PPP2R3A: variants seen among roughly 807,000 people sequenced by gnomAD.
The protein encoded by PPP2R3A is protein phosphatase 2 regulatory subunit B''alpha, also known as serine/threonine-protein phosphatase 2A regulatory subunit B'' subunit alpha.
In PPP2R3A, 80 loss-of-function variants were observed where a neutral mutation model predicts 106.9. That is an observed-to-expected ratio of 0.75 (90% CI 0.62 to 0.90). The LOEUF is 0.90. PPP2R3A is among the 40% of genes least tolerant of loss of function. The pLI, the probability that PPP2R3A is intolerant of heterozygous loss-of-function variation, is 0.00. For synonymous variants in PPP2R3A, 483 were observed against 468.3 expected, an observed-to-expected ratio of 1.03 and a Z score of -0.41; for missense variants, 1,386 against 1,350.4, an observed-to-expected ratio of 1.03 and a Z score of -0.41.
At chr3:136,144,306 C>G (rs931478696) in intron 13 of PPP2R3A, among the ~76,000 whole-genome samples, 1 of 152,180 alleles carries the variant, frequency 6.6e-6, no homozygotes, top group Non-Finnish European at 1.5e-5. Flanking sequence ...CATACTTGAA[C>G]ATCTTTTTGT....
rs201744684 is a variant in PPP2R3A, at chr3:136,040,836, C to T, written c.2263-23C>T. 401 of 1,595,654 alleles carry T rather than the reference C, an allele frequency of 2.5e-4. 1 individual carries two copies. The African/African-American group carries it at 3.3e-3, about 13-fold the overall frequency. The stretch of plus-strand genomic sequence containing the variant: ...TCTCTTCATTCCCTGTTGGCTTACC[C>T]TGTATGTGTTTTCTATTTGCAGGTC... On this transcript the variant is annotated intron_variant, in intron 3 of 13. Transcript: ENST00000264977.
chr3:136,099,302 G>A (rs548838163), intron 10 of PPP2R3A, among the ~76,000 whole-genome samples: 167 of 152,180 alleles, frequency 1.1e-3, no homozygotes, highest in Non-Finnish European at 1.7e-3. Flanking sequence ...GAGAACAGAG[G>A]ATCACTAGAT....
At chr3:136,099,869 C>T (rs1381016513) in intron 10 of PPP2R3A, among the ~76,000 whole-genome samples, 2 of 150,050 alleles carry the variant, frequency 1.3e-5, no homozygotes, top group African/African-American at 4.9e-5. Context: ...CCACATGCGG[C>T]TAGTAGCTAT....
chr3:136,090,581 A>G lies in PPP2R3A; in HGVS notation c.2841A>G (p.Gly947=). Residue 947 remains glycine (G), a synonymous_variant, in exon 10 of 14, where the codon GGA becomes GGG. Transcript: ENST00000264977. ...ERIFSGAVTR[G]KTIQKEGRMS... is the part of the protein sequence containing the mutation. ...TATAACCATGTGTTTTCTTTAGGGG[A>G]AAAACAATACAGAAAGAGGGAAGAA... 6.2e-7 allele frequency: 1 copy of G among 1,612,298 alleles called. No homozygotes were observed. The highest frequency in any genetic ancestry group is 1.1e-5 in the South Asian group (1 of 90,956).
chr3:136,046,858 G>A (rs1420542044), intron 4 of PPP2R3A, among the ~76,000 whole-genome samples: 1 of 152,168 alleles, frequency 6.6e-6, no homozygotes. Flanking sequence ...ACAGTAAAAT[G>A]ATCCAAGAGT....
intron 2 of PPP2R3A, 59 bp downstream of exon 2, chr3:136,003,552 A>G (rs1396800995): frequency 3.4e-6 from 5 of 1,465,172 alleles, no homozygotes; most frequent in Non-Finnish European, 4.6e-6. Context: ...GTGTTTGAAA[A>G]TTTTATAAAG....
intron 4 of PPP2R3A, among the ~76,000 whole-genome samples, chr3:136,044,876 C>A (rs1177447109): frequency 1.3e-5 from 2 of 152,118 alleles, no homozygotes; most frequent in African/African-American, 4.8e-5. Context: ...GCAAGAGATC[C>A]CACAGCCACC....
At position 136,146,021 on chromosome 3, in the gene PPP2R3A, T is replaced by C. The variant is rs938943734; in HGVS notation, c.*855T>C. 1.3e-5 allele frequency: 2 copies of C among 152,194 alleles called. No individual in the cohort carries two copies. The highest frequency in any genetic ancestry group is 2.4e-5 in the African/African-American group (1 of 41,444). The allele number at this position is 152,194 out of a possible 1,614,324, so 9.4% of individuals were successfully genotyped here. Reference sequence around the variant, plus strand: ...GCTTGAAGACATAAAGGAATAATGATACATTAAAATTCTTACTAGATAGAT... The same window carrying C: ...GCTTGAAGACATAAAGGAATAATGACACATTAAAATTCTTACTAGATAGAT... On this transcript the variant is annotated 3_prime_UTR_variant, in exon 14 of 14. Coordinates refer to ENST00000264977, the MANE Select transcript of PPP2R3A (RefSeq NM_002718.5).
intron 2 of PPP2R3A, among the ~76,000 whole-genome samples, chr3:136,020,371 G>C (rs1389090896): frequency 6.6e-6 from 1 of 151,992 alleles, no homozygotes; most frequent in Non-Finnish European, 1.5e-5. Context: ...TACATATTTA[G>C]AGTTCTGTGA....
chr3:136,087,028 C>G (rs986131681), intron 8 of PPP2R3A, among the ~76,000 whole-genome samples: 1 of 152,042 alleles, frequency 6.6e-6, no homozygotes, highest in Non-Finnish European at 1.5e-5. Flanking sequence ...ATGGAGAAAC[C>G]CCATCGCTAA....
intron 13 of PPP2R3A, among the ~76,000 whole-genome samples, chr3:136,111,337 A>G (rs763865007): frequency 2.5e-4 from 38 of 152,206 alleles, no homozygotes; most frequent in Non-Finnish European, 4.4e-4. Flanking sequence ...TCTGTTAAAA[A>G]TTTAAGATAT....
intron 13 of PPP2R3A, among the ~76,000 whole-genome samples, chr3:136,139,263 G>A (rs1024339068): frequency 5.3e-5 from 8 of 152,094 alleles, no homozygotes; most frequent in South Asian, 2.1e-4. Context: ...TGCAGAGCCC[G>A]CCTTAATGCT....
chr3:136,116,930 T>C (rs531860427), intron 13 of PPP2R3A, among the ~76,000 whole-genome samples: 146 of 152,328 alleles, frequency 9.6e-4, no homozygotes, highest in African/African-American at 3.3e-3. Flanking sequence ...ATCAACAGAA[T>C]ATACATTCTC....
chr3:136,057,263 A>AC (rs1195783473), intron 5 of PPP2R3A, among the ~76,000 whole-genome samples: 10 of 151,790 alleles, frequency 6.6e-5, no homozygotes, highest in Non-Finnish European at 1.3e-4. Flanking sequence ...AGAATATGGA[A>AC]CCCCCCAAGT....
intron 13 of PPP2R3A, among the ~76,000 whole-genome samples, chr3:136,112,104 TA>T (rs1280183088): frequency 6.6e-6 from 1 of 152,104 alleles, no homozygotes; most frequent in Non-Finnish European, 1.5e-5. Context: ...CCCTTCATGT[TA>T]AAAACCCTCA....
At chr3:135,968,042 G>C (rs1333913364) in intron 1 of PPP2R3A, among the ~76,000 whole-genome samples, 3 of 152,188 alleles carry the variant, frequency 2.0e-5, no homozygotes, top group Non-Finnish European at 4.4e-5. Context: ...ACTGTTGTGA[G>C]CAGACTGCTG....
chr3:136,136,961 T>C (rs538232192), intron 13 of PPP2R3A, among the ~76,000 whole-genome samples: 1 of 152,306 alleles, frequency 6.6e-6, no homozygotes, highest in South Asian at 2.1e-4. Flanking sequence ...TTAACATGTC[T>C]AGCACACAAA....
At chr3:136,057,562 C>T (rs1935913590) in intron 5 of PPP2R3A, among the ~76,000 whole-genome samples, 1 of 152,028 alleles carries the variant, frequency 6.6e-6, no homozygotes, top group African/African-American at 2.4e-5. Flanking sequence ...TATTTATTAC[C>T]ACTGAACTGT....
At chr3:136,083,179 AATTTTTTTGT>A (rs886147252) in intron 8 of PPP2R3A, among the ~76,000 whole-genome samples, 61 of 152,126 alleles carry the variant, frequency 4.0e-4, no homozygotes, top group African/African-American at 1.4e-3. Context: ...ATACCTGGCT[AATTTTTTTGT>A]ATTTTTTTGT....
Sources: gnomAD v4.1 joint callset for allele counts (sites outside exome capture counted in the v4.1 genomes callset) on GRCh38, gnomAD v4.1.1 for gene constraint, MANE v1.5 for transcripts, NCBI Gene and HGNC (gene_info 2026-07-23, HGNC 2026-07-21) for gene names.